Variants in STK11IP observed in about 807,000 individuals in gnomAD.
STK11IP encodes the protein serine/threonine kinase 11 interacting protein.
STK11IP carries 103 observed loss-of-function variants against 131.7 expected under a neutral mutation model. The ratio of observed to expected loss-of-function variants is 0.78; its 90% CI spans 0.67 to 0.92. The LOEUF (loss-of-function observed/expected upper bound fraction) is 0.92, where lower values mean the gene tolerates loss of function less well. Ranked by LOEUF, STK11IP falls within the 40% of genes least tolerant of loss-of-function variation. STK11IP has a pLI of 0.00. For missense variants in STK11IP, 1,315 were observed against 1,385.7 expected (o/e 0.95, Z 0.81); for synonymous variants, 557 against 575.6 (o/e 0.97, Z 0.46).
At chr2:219,611,444 C>T (rs528773619) in intron 17 of STK11IP, among the ~76,000 whole-genome samples, 160 bp from the exon 18 acceptor site, 28 of 152,098 alleles carry the variant, frequency 1.8e-4, no homozygotes, top group African/African-American at 5.5e-4. Flanking sequence ...GCAGCTGTGC[C>T]GGGAGAGGGA....
chr2:219,598,040 C>G (rs1287743611), intron 1 of STK11IP, 54 bp from the exon 2 acceptor site: 3 of 1,566,240 alleles, frequency 1.9e-6, no homozygotes, highest in East Asian at 4.8e-5. Context: ...ACGCCCTGGG[C>G]TTTTGGCACT....
intron 13 of STK11IP, 92 bp downstream of exon 13, chr2:219,607,229 A>T: frequency 7.6e-7 from 1 of 1,316,516 alleles, no homozygotes. Context: ...AAGAAATGTT[A>T]TTTTTTGTTG....
intron 2 of STK11IP, among the ~76,000 whole-genome samples, chr2:219,600,298 C>T (rs375256913): frequency 4.6e-5 from 7 of 151,960 alleles, no homozygotes; most frequent in Admixed American, 6.6e-5. Flanking sequence ...TTAGTGGAGA[C>T]GGGGTTTCAC....
In STK11IP at chr2:219,608,239, C is replaced by T. The variant is rs1320402284; in HGVS notation, c.1412C>T (p.Pro471Leu). The T allele has an allele frequency of 1.9e-6, 3 of 1,613,538 alleles. No individual in the cohort carries two copies. The highest frequency in any genetic ancestry group is 1.1e-5 in the South Asian group (1 of 91,088). Residue 471 changes from proline (P) to leucine (L), a missense_variant, in exon 14 of 25, where the codon CCC becomes CTC. By Grantham distance (98) the Pro-to-Leu change is moderately conservative. Coordinates refer to ENST00000456909, the MANE Select transcript of STK11IP (RefSeq NM_052902.4). Reference sequence around the variant, plus strand: ...CCCGACACTGCACCCAGACCTTCACCCCCGCAGGAGGAAGCCAGAGGCCCC... The same window carrying T: ...CCCGACACTGCACCCAGACCTTCACTCCCGCAGGAGGAAGCCAGAGGCCCC... Reference protein sequence around the residue: ...QGPDTAPRPSPPQEEARGPQE... With the variant: ...QGPDTAPRPSLPQEEARGPQE...
intron 2 of STK11IP, among the ~76,000 whole-genome samples, chr2:219,599,945 C>T (rs1454387740): frequency 6.6e-6 from 1 of 151,664 alleles, no homozygotes; most frequent in Non-Finnish European, 1.5e-5. Flanking sequence ...ACCATATTGG[C>T]CAGGCTGGTC....
intron 23 of STK11IP, chr2:219,614,815 G>A: frequency 1.6e-6 from 1 of 642,800 alleles, no homozygotes; most frequent in South Asian, 1.8e-5. Flanking sequence ...GCGTGGCTGA[G>A]TCGGCCCTGC....
chr2:219,613,018 G>A, intron 19 of STK11IP, 110 bp from the exon 20 acceptor site: 3 of 734,004 alleles, frequency 4.1e-6, no homozygotes, highest in Non-Finnish European at 7.1e-6. Context: ...TGGTGGGTGG[G>A]CAGTGGGAGG....
At chr2:219,607,545 G>C (rs927313671) in intron 13 of STK11IP, among the ~76,000 whole-genome samples, 1 of 152,010 alleles carries the variant, frequency 6.6e-6, no homozygotes, top group Non-Finnish European at 1.5e-5. Flanking sequence ...TGTAGTCCTA[G>C]CTACTTGGGA....
Position 219,608,649 on chromosome 2 carries a change from G to T in STK11IP, c.1670G>T (p.Cys557Phe). ...EGPEGVRGRE[C>F]FLRVTSAHLF... Reference sequence around the variant, plus strand: ...CCTGAGGGCGTACGGGGCAGGGAATGCTTTCTCAGGGTCACTTCTGCCCAC... The same window carrying T: ...CCTGAGGGCGTACGGGGCAGGGAATTCTTTCTCAGGGTCACTTCTGCCCAC... Residue 557 changes from cysteine (C) to phenylalanine (F), a missense_variant, in exon 15 of 25, where the codon TGC becomes TTC. Cys to Phe is a radical substitution (Grantham distance 205). Transcript: ENST00000456909. 1 of 1,613,572 alleles carries T rather than the reference G, an allele frequency of 6.2e-7. No individual in the cohort carries two copies. Among genetic ancestry groups the T allele is most frequent in the South Asian group, 1.1e-5 (1 of 91,048 alleles).
At chr2:219,614,837 CAGA>C (rs1417644117) in intron 23 of STK11IP, 2 of 630,608 alleles carry the variant, frequency 3.2e-6, no homozygotes, top group Admixed American at 2.6e-5. Context: ...TCATCAGTCA[CAGA>C]AGGAGAGGGT....
chr2:219,611,944 A>T lies in STK11IP; in HGVS notation c.2336-11A>T, dbSNP rs1450733639. On this transcript the variant is annotated splice_polypyrimidine_tract_variant and intron_variant, in intron 18 of 24. Coordinates refer to ENST00000456909, the MANE Select transcript of STK11IP (RefSeq NM_052902.4). ...GCCATGGGCAGGCTGATGCCCCCTC[A>T]TTGCCCTCAGCCCCTGAGCGCTGTG... 6.3e-7 allele frequency: 1 copy of T among 1,585,942 alleles called. No individual in the cohort carries two copies. Among genetic ancestry groups the T allele is most frequent in the African/African-American group, 1.3e-5 (1 of 74,402 alleles).
intron 19 of STK11IP, among the ~76,000 whole-genome samples, chr2:219,612,707 C>T (rs1016832438): frequency 3.9e-5 from 6 of 152,106 alleles, no homozygotes; most frequent in Non-Finnish European, 7.4e-5. Flanking sequence ...ACATGCAGGG[C>T]GAGGGGCAGG....
chr2:219,611,966 T>C lies in STK11IP; in HGVS notation c.2347T>C (p.Cys783Arg), dbSNP rs1232290702. Residue 783 changes from cysteine to arginine, a missense_variant, in exon 19 of 25, where the codon TGT becomes CGT. Coordinates refer to ENST00000456909, the MANE Select transcript of STK11IP (RefSeq NM_052902.4). The stretch of plus-strand genomic sequence containing the variant: ...CTCATTGCCCTCAGCCCCTGAGCGC[T>C]GTGGCCTCCGCTCTGTGGACCACCG... The part of the protein sequence containing the change: ...SWSLSPPPER[C>R]GLRSVDHRLR... 2 of 1,597,094 alleles carry C rather than the reference T, an allele frequency of 1.3e-6. No individual in the cohort carries two copies. Among genetic ancestry groups the C allele is most frequent in the Admixed American group, 3.4e-5 (2 of 58,024 alleles).
At chr2:219,605,405 G>T (rs886117836) in intron 7 of STK11IP, 9 of 528,408 alleles carry the variant, frequency 1.7e-5, no homozygotes, top group Admixed American at 3.1e-5. Context: ...CCATGCTCAG[G>T]GTGTGGCCTT....
chr2:219,602,002 C>T lies in STK11IP; in HGVS notation c.357C>T (p.Pro119=). Residue 119 remains proline (P), a synonymous_variant, in exon 5 of 25, where the codon CCC becomes CCT. Coordinates refer to ENST00000456909, the MANE Select transcript of STK11IP (RefSeq NM_052902.4). ...CCTTGTCCCAGCTCCGAGGTGTTCCCCTCCACTGTCTGCATGGCCTCCGAG... is the reference window on the plus strand; with the variant it reads ...CCTTGTCCCAGCTCCGAGGTGTTCCTCTCCACTGTCTGCATGGCCTCCGAG... ...SLRHLELRGV[P]LHCLHGLRGI... is the part of the protein sequence containing the mutation. 1.2e-6 allele frequency: 2 copies of T among 1,611,338 alleles called. No individual in the cohort carries two copies. The highest frequency in any genetic ancestry group is 8.5e-7 in the Non-Finnish European group (1 of 1,178,918).
intron 2 of STK11IP, among the ~76,000 whole-genome samples, chr2:219,599,702 A>G (rs1697916162): frequency 6.6e-6 from 1 of 151,526 alleles, no homozygotes; most frequent in Non-Finnish European, 1.5e-5. Context: ...GCATATAGCT[A>G]TATATACATA....
intron 20 of STK11IP, 33 bp downstream of exon 20, chr2:219,613,258 G>C (rs1574630901): frequency 1.9e-5 from 24 of 1,295,702 alleles, no homozygotes; most frequent in Middle Eastern, 2.2e-4. Context: ...TGAGTAAGGG[G>C]GGAGATGGGG....
At chr2:219,606,548 G>T (rs542550281) in intron 11 of STK11IP, 31 bp downstream of exon 11, 1 of 1,612,584 alleles carries the variant, frequency 6.2e-7, no homozygotes, top group South Asian at 1.1e-5. Context: ...AGGACTGTTG[G>T]GGGAAGACAC....
chr2:219,607,291 A>G (rs1698224632), intron 13 of STK11IP, among the ~76,000 whole-genome samples, 154 bp downstream of exon 13: 1 of 152,144 alleles, frequency 6.6e-6, no homozygotes, highest in Non-Finnish European at 1.5e-5. Context: ...CTTTTAGTTT[A>G]GGGAAAGGAG....
Sources: allele counts gnomAD v4.1 joint callset (sites outside exome capture counted in the v4.1 genomes callset), GRCh38; gene constraint gnomAD v4.1.1; transcripts MANE v1.5; gene names NCBI Gene and HGNC (gene_info 2026-07-23, HGNC 2026-07-21).